ABCB4: variants seen among roughly 807,000 people sequenced by gnomAD.
The protein encoded by ABCB4 is phosphatidylcholine translocator ABCB4.
A neutral mutation model predicts 145.7 loss-of-function variants in ABCB4; 76 were observed. The ratio of observed to expected loss-of-function variants is 0.52; its 90% CI spans 0.43 to 0.63. The LOEUF (loss-of-function observed/expected upper bound fraction) is 0.63, where lower values mean the gene tolerates loss of function less well. Among genes scored for constraint, ABCB4 ranks in the 30% least tolerant of loss-of-function variants. The pLI, the probability that ABCB4 is intolerant of heterozygous loss-of-function variation, is 0.00. For missense variants in ABCB4, 1,234 were observed against 1,553.1 expected, an observed-to-expected ratio of 0.79 and a Z score of 3.45; for synonymous variants, 517 against 566.8, an observed-to-expected ratio of 0.91 and a Z score of 1.25.
At chr7:87,462,729 A>AT (rs138587890) in intron 4 of ABCB4, 29 bp downstream of exon 4, 4 of 1,611,482 alleles carry the variant, frequency 2.5e-6, no homozygotes, top group Non-Finnish European at 2.5e-6. Flanking sequence ...AATGCTATGG[A>AT]TTTTTTTAAA....
At chr7:87,449,448 A>C (rs1213357092) in intron 8 of ABCB4, among the ~76,000 whole-genome samples, 1 of 151,206 alleles carries the variant, frequency 6.6e-6, no homozygotes, top group Non-Finnish European at 1.5e-5. Flanking sequence ...GTTTTTAAAA[A>C]ATTTTTACTC....
chr7:87,436,370 G>C (rs1420049309), intron 14 of ABCB4, among the ~76,000 whole-genome samples: 1 of 151,734 alleles, frequency 6.6e-6, no homozygotes, highest in Admixed American at 6.6e-5. Flanking sequence ...TCTGATGGCA[G>C]GTTCACTTGC....
intron 16 of ABCB4, among the ~76,000 whole-genome samples, chr7:87,425,002 G>C (rs978543879): frequency 5.3e-5 from 8 of 151,522 alleles, no homozygotes; most frequent in African/African-American, 1.9e-4. Context: ...GTTCTACTGA[G>C]CCTTCTTTCA....
chr7:87,465,192 C>T (rs1246007746), intron 3 of ABCB4, among the ~76,000 whole-genome samples: 1 of 152,216 alleles, frequency 6.6e-6, no homozygotes, highest in Non-Finnish European at 1.5e-5. Context: ...CTGCGCTTTT[C>T]CAATGGTCTT....
In ABCB4 at chr7:87,462,810, A is replaced by T. The variant is rs1371239418; in HGVS notation, c.234T>A (p.Phe78Leu). The stretch of plus-strand genomic sequence containing the variant: ...CAACAAATTTGTCAGTCATCTCTCC[A>T]AATACTATCATCATGAGGGGGAGAC... The part of the protein sequence containing the change: ...GSGLPLMMIV[F>L]GEMTDKFVDT... The change falls in exon 4 of 28, where the codon TTT becomes TTA. Residue 78 changes from phenylalanine (F) to leucine (L), a missense_variant. By Grantham distance (22) the Phe-to-Leu change is conservative. Around this residue, in one of 7 missense-constraint regions of ABCB4, gnomAD observed 467 missense variants for 632.8 expected, o/e 0.74. Coordinates refer to ENST00000649586, the MANE Select transcript of ABCB4 (RefSeq NM_000443.4). 1 of 1,614,008 alleles carries T rather than the reference A, an allele frequency of 6.2e-7. No individual in the cohort carries two copies. The highest frequency in any genetic ancestry group is 1.7e-5 in the Admixed American group (1 of 60,002).
chr7:87,408,728 T>C (rs1808394295), intron 24 of ABCB4, among the ~76,000 whole-genome samples: 1 of 152,206 alleles, frequency 6.6e-6, no homozygotes, highest in Admixed American at 6.5e-5. Context: ...TGTTAAGTCC[T>C]AGCCTCTTTA....
chr7:87,432,681 T>C (rs1810327616), intron 14 of ABCB4, among the ~76,000 whole-genome samples: 1 of 152,126 alleles, frequency 6.6e-6, no homozygotes, highest in Non-Finnish European at 1.5e-5. Flanking sequence ...GGCAAATTCA[T>C]AGAGACAGAA....
the ABCB4 span, among the ~76,000 whole-genome samples, chr7:87,391,062 G>A: frequency 6.6e-6 from 1 of 152,210 alleles, no homozygotes; most frequent in Non-Finnish European, 1.5e-5. Context: ...TCACCCACGG[G>A]AACTAGTAGC....
chr7:87,444,082 A>G (rs1386778144), intron 10 of ABCB4, among the ~76,000 whole-genome samples: 2 of 152,214 alleles, frequency 1.3e-5, no homozygotes, highest in African/African-American at 4.8e-5. Context: ...TATTTATACA[A>G]GTGCAATAAC....
At chr7:87,375,969 C>CTT in the ABCB4 span, 1 of 1,436,544 alleles carries the variant, frequency 7.0e-7, no homozygotes. Flanking sequence ...TAACTACCTT[C>CTT]TCTTTTTTTT....
intron 6 of ABCB4, 153 bp downstream of exon 6, chr7:87,452,791 T>C (rs778627217): frequency 1.0e-5 from 9 of 875,426 alleles, no homozygotes; most frequent in South Asian, 1.6e-5. Context: ...GCATAGGCTA[T>C]AGATGCTGCT....
At chr7:87,442,168 T>C (rs1033563857) in intron 12 of ABCB4, among the ~76,000 whole-genome samples, 2 of 152,080 alleles carry the variant, frequency 1.3e-5, no homozygotes, top group Non-Finnish European at 2.9e-5. Flanking sequence ...AGGTTCTTTT[T>C]AAAAAATAAA....
At chr7:87,368,990 A>G in the ABCB4 span, among the ~76,000 whole-genome samples, 2 of 152,254 alleles carry the variant, frequency 1.3e-5, no homozygotes, top group Non-Finnish European at 2.9e-5. Context: ...CTGATGAGTA[A>G]TTAACATTAA....
the ABCB4 span, chr7:87,377,548 A>G: frequency 1.9e-5 from 13 of 688,444 alleles, no homozygotes; most frequent in East Asian, 3.6e-4. Flanking sequence ...GTAAGTGAAT[A>G]GTAATTTAGT....
rs1193280714 is a variant in ABCB4 at position 87,457,986 on chromosome 7, T to C, written c.287-3394A>G. 2.0e-5 allele frequency among the ~76,000 whole-genome samples: 3 copies of C among 152,198 alleles called. No homozygotes were observed. In the East Asian group the frequency reaches 5.8e-4, roughly 29 times the overall value. On this transcript the variant is annotated intron_variant, in intron 4 of 27. Transcript: ENST00000649586. ...CAATCCAATTATGTACTTTTAGTTATTTTTAAATGTTGCCTAGGACTTCTT... is the reference window on the plus strand; with the variant it reads ...CAATCCAATTATGTACTTTTAGTTACTTTTAAATGTTGCCTAGGACTTCTT...
intron 18 of ABCB4, among the ~76,000 whole-genome samples, chr7:87,420,298 C>G (rs556165726): frequency 6.6e-6 from 1 of 152,278 alleles, no homozygotes; most frequent in South Asian, 2.1e-4. Flanking sequence ...AATTAAGAAG[C>G]AGACACCACA....
rs1410115848 is a variant in ABCB4 at position 87,475,394 on chromosome 7, G to A, written c.72C>T (p.Gly24=). The A allele has an allele frequency of 6.2e-7, 1 of 1,614,236 alleles. No homozygotes were observed. Among genetic ancestry groups the A allele is most frequent in the South Asian group, 1.1e-5 (1 of 91,086 alleles). The part of the protein sequence containing the change: ...PTSAEGDFEL[G]ISSKQKRKKT... ...GGCTGCTGGGGATGTACCTGCTGAT[G>A]CCCAGTTCAAAGTCGCCCTCCGCGC... The change falls in exon 2 of 28, where the codon GGC becomes GGT. Residue 24 remains glycine, a synonymous_variant. Transcript: ENST00000649586.
chr7:87,433,669 G>GTTTTTT lies in ABCB4; in HGVS notation c.1732-2105_1732-2104insAAAAAA, dbSNP rs752621529. 1.8e-3 allele frequency among the ~76,000 whole-genome samples: 229 copies of GTTTTTT among 124,014 alleles called. 7 individuals carry two copies. Among genetic ancestry groups the GTTTTTT allele is most frequent in the Admixed American group, 2.7e-3 (35 of 13,058 alleles). The allele number at this position is 124,014 out of a possible 152,430, so 81.4% of individuals were successfully genotyped here. A position where few individuals can be genotyped will look rare whatever the true frequency, so the allele number is the denominator to read the frequency against. ...AAGTAGAGCTTTGACACAAAAAATT[G>GTTTTTT]TTGTTGTTTTTTTTTTTTTTTTTTT... On this transcript the variant is annotated intron_variant, in intron 14 of 27. Coordinates refer to ENST00000649586, the MANE Select transcript of ABCB4 (RefSeq NM_000443.4).
chr7:87,449,997 A>AGCT lies in ABCB4; in HGVS notation c.801_803dup (p.Ala268dup). ...CCAGCTCTTTGTTCTGGCCCCCGAA[A>AGCT]GCTATCACAGTCCTGATGGCCCCCA... On this transcript the variant is annotated inframe_insertion, in exon 8 of 28. Coordinates refer to ENST00000649586, the MANE Select transcript of ABCB4 (RefSeq NM_000443.4). 1 of 1,614,196 alleles carries AGCT rather than the reference A, an allele frequency of 6.2e-7. No homozygotes were observed. The highest frequency in any genetic ancestry group is 1.1e-5 in the South Asian group (1 of 91,086).
Sources: allele counts gnomAD v4.1 joint callset (sites outside exome capture counted in the v4.1 genomes callset), GRCh38; gene constraint gnomAD v4.1.1; regional missense constraint gnomAD v4.1.1; transcripts MANE v1.5; gene names NCBI Gene and HGNC (gene_info 2026-07-23, HGNC 2026-07-21).